SCHIP1: variants seen among roughly 807,000 people sequenced by gnomAD.
The protein encoded by SCHIP1 is schwannomin-interacting protein 1.
SCHIP1 carries 8 observed loss-of-function variants against 29.7 expected under a neutral mutation model. The observed-to-expected ratio is 0.27, with a 90% CI of 0.16 to 0.49. SCHIP1 has a LOEUF of 0.49. Ranked by LOEUF, SCHIP1 falls within the 20% of genes least tolerant of loss-of-function variation. The probability of loss-of-function intolerance (pLI) is 0.99; values close to 1 mark genes in which losing one functional copy is unlikely to be tolerated. For synonymous variants in SCHIP1, 76 were observed against 94.9 expected (o/e 0.80, Z 1.16); for missense variants, 193 against 294.6 (o/e 0.66, Z 2.52).
the SCHIP1 span, among the ~76,000 whole-genome samples, chr3:159,423,232 C>T: frequency 9.9e-5 from 15 of 152,270 alleles, no homozygotes; most frequent in Middle Eastern, 6.8e-3. Flanking sequence ...GCGCACCATG[C>T]GCAAGGTGAA....
At chr3:159,626,075 T>C in the SCHIP1 span, among the ~76,000 whole-genome samples, 1 of 144,356 alleles carries the variant, frequency 6.9e-6, no homozygotes, top group African/African-American at 2.7e-5. Flanking sequence ...TTCCCCACTC[T>C]AGAGTGCAGC....
At chr3:159,416,605 AT>A in the SCHIP1 span, among the ~76,000 whole-genome samples, 1 of 152,064 alleles carries the variant, frequency 6.6e-6, no homozygotes, top group Non-Finnish European at 1.5e-5. Context: ...ATTTAATTGG[AT>A]TTTTTCCACT....
chr3:159,878,581 A>G (rs1447902096), intron 2 of SCHIP1, among the ~76,000 whole-genome samples: 3 of 151,842 alleles, frequency 2.0e-5, no homozygotes, highest in Non-Finnish European at 4.4e-5. Context: ...GATCGAGACC[A>G]TCCCGGCTAA....
the SCHIP1 span, among the ~76,000 whole-genome samples, chr3:159,486,519 C>A: frequency 6.6e-6 from 1 of 151,616 alleles, no homozygotes; most frequent in Non-Finnish European, 1.5e-5. Context: ...ATTCCTTGAT[C>A]TGTATGTTTT....
the SCHIP1 span, among the ~76,000 whole-genome samples, chr3:159,391,862 C>T: frequency 2.6e-5 from 4 of 152,204 alleles, no homozygotes; most frequent in African/African-American, 9.6e-5. Flanking sequence ...CCCATGTCTA[C>T]ACAGCAAGTT....
the SCHIP1 span, among the ~76,000 whole-genome samples, chr3:159,398,326 C>T: frequency 2.6e-5 from 4 of 152,120 alleles, no homozygotes; most frequent in Admixed American, 1.3e-4. Flanking sequence ...AGAGCTGTTC[C>T]TATTCGGCCA....
chr3:159,462,456 T>G, the SCHIP1 span, among the ~76,000 whole-genome samples: 1 of 152,014 alleles, frequency 6.6e-6, no homozygotes, highest in East Asian at 1.9e-4. Flanking sequence ...CTGGTATCTC[T>G]CAGTCTATTT....
At chr3:159,749,832 G>A in the SCHIP1 span, among the ~76,000 whole-genome samples, 4 of 152,108 alleles carry the variant, frequency 2.6e-5, no homozygotes, top group Non-Finnish European at 5.9e-5. Flanking sequence ...ATCCTATTAA[G>A]CATCAATGAA....
At chr3:159,673,883 G>A in the SCHIP1 span, among the ~76,000 whole-genome samples, 1 of 152,104 alleles carries the variant, frequency 6.6e-6, no homozygotes, top group Non-Finnish European at 1.5e-5. Flanking sequence ...ACTGTGCTAG[G>A]CCCAGGATAC....
chr3:159,686,822 G>A, the SCHIP1 span, among the ~76,000 whole-genome samples: 2 of 152,062 alleles, frequency 1.3e-5, no homozygotes, highest in East Asian at 3.9e-4. Context: ...TCTCTTTTGG[G>A]TAAATGATAA....
chr3:159,422,185 A>G, the SCHIP1 span, among the ~76,000 whole-genome samples: 1 of 152,196 alleles, frequency 6.6e-6, no homozygotes, highest in Non-Finnish European at 1.5e-5. Flanking sequence ...GCTAAGCAGA[A>G]GTCTGAGGGT....
At chr3:159,718,430 G>A in the SCHIP1 span, among the ~76,000 whole-genome samples, 1 of 152,178 alleles carries the variant, frequency 6.6e-6, no homozygotes, top group Non-Finnish European at 1.5e-5. Context: ...TAGGAAAAGA[G>A]GAAGTCAAAT....
the SCHIP1 span, among the ~76,000 whole-genome samples, chr3:159,782,668 A>T: frequency 6.6e-6 from 1 of 152,206 alleles, no homozygotes; most frequent in Non-Finnish European, 1.5e-5. Flanking sequence ...TTAGAAACTC[A>T]TTCTATATAT....
intron 1 of SCHIP1, among the ~76,000 whole-genome samples, chr3:159,862,273 G>A (rs1207646626): frequency 1.3e-5 from 2 of 152,168 alleles, no homozygotes; most frequent in African/African-American, 4.8e-5. Context: ...ACTCTTTAAT[G>A]TGGAAAAGTG....
chr3:159,822,577 C>T, the SCHIP1 span, among the ~76,000 whole-genome samples: 5 of 150,592 alleles, frequency 3.3e-5, no homozygotes, highest in Admixed American at 2.0e-4. Context: ...CAAAATTTTG[C>T]AGGGACCATC....
At chr3:159,504,669 C>G in the SCHIP1 span, among the ~76,000 whole-genome samples, 13 of 152,034 alleles carry the variant, frequency 8.6e-5, no homozygotes, top group Non-Finnish European at 1.5e-4. Flanking sequence ...TACCCCTCCT[C>G]GCAAACTGCC....
the SCHIP1 span, among the ~76,000 whole-genome samples, chr3:159,348,720 A>G: frequency 8.5e-5 from 13 of 152,164 alleles, no homozygotes; most frequent in African/African-American, 2.9e-4. Flanking sequence ...TTTCAGCAAT[A>G]AAGTAAAATT....
chr3:159,495,530 C>T, the SCHIP1 span, among the ~76,000 whole-genome samples: 1 of 152,094 alleles, frequency 6.6e-6, no homozygotes, highest in Non-Finnish European at 1.5e-5. Flanking sequence ...GAATAAAATA[C>T]CTAGCAATCC....
At chr3:159,888,209 C>A (rs1717146133) in intron 4 of SCHIP1, 1 of 390,940 alleles carries the variant, frequency 2.6e-6, no homozygotes, top group Non-Finnish European at 4.7e-6. Context: ...ATCTAAGAAC[C>A]TATTGGTCTT....
Sources: gnomAD v4.1 joint callset for allele counts (sites outside exome capture counted in the v4.1 genomes callset) on GRCh38, gnomAD v4.1.1 for gene constraint, MANE v1.5 for transcripts, NCBI Gene and HGNC (gene_info 2026-07-23, HGNC 2026-07-21) for gene names.